Variants in DPP6 observed in about 807,000 individuals in gnomAD.
DPP6 encodes the protein dipeptidyl peptidase like 6, also known as A-type potassium channel modulatory protein DPP6.
A neutral mutation model predicts 122.6 loss-of-function variants in DPP6; 69 were observed. The observed-to-expected ratio is 0.56, with a 90% CI of 0.46 to 0.69. The LOEUF (loss-of-function observed/expected upper bound fraction) is 0.69. Among genes scored for constraint, DPP6 ranks in the 30% least tolerant of loss-of-function variants. The probability of loss-of-function intolerance (pLI) is 0.00; values close to 1 mark genes in which losing one functional copy is unlikely to be tolerated. For synonymous variants in DPP6, 418 were observed against 433.1 expected, an observed-to-expected ratio of 0.97 and a Z score of 0.43; for missense variants, 928 against 1,116.9, an observed-to-expected ratio of 0.83 and a Z score of 2.41.
intron 1 of DPP6, among the ~76,000 whole-genome samples, chr7:154,196,075 G>A (rs7811481): frequency 0.36 from 55,464 of 152,102 alleles, 12,462 homozygotes; most frequent in African/African-American, 0.64. Context: ...TCGCTCCATC[G>A]GATAGAATAA....
intron 1 of DPP6, among the ~76,000 whole-genome samples, chr7:154,442,065 G>A (rs961345128): frequency 1.3e-5 from 2 of 152,122 alleles, no homozygotes; most frequent in African/African-American, 4.8e-5. Flanking sequence ...CCTCATTCAC[G>A]CAACTGGGCT....
chr7:154,782,968 G>A (rs1320001400), intron 10 of DPP6, among the ~76,000 whole-genome samples: 2 of 151,996 alleles, frequency 1.3e-5, no homozygotes, highest in African/African-American at 4.8e-5. Flanking sequence ...ATATTTAGTA[G>A]AGACGGGGTT....
intron 1 of DPP6, among the ~76,000 whole-genome samples, chr7:154,207,717 A>G (rs775971322): frequency 3.3e-5 from 5 of 152,270 alleles, no homozygotes; most frequent in Non-Finnish European, 7.3e-5. Context: ...AGATCTTCCA[A>G]TACATACTAT....
At chr7:153,812,443 G>A in the DPP6 span, among the ~76,000 whole-genome samples, 1 of 151,876 alleles carries the variant, frequency 6.6e-6, no homozygotes, top group Non-Finnish European at 1.5e-5. Flanking sequence ...ATTCTGTCTG[G>A]TATCTGAAGA....
chr7:154,889,304 G>C lies in DPP6; in HGVS notation c.2337G>C (p.Leu779=). The change falls in exon 24 of 26, where the codon CTG becomes CTC. Residue 779 remains leucine (L), a synonymous_variant. Coordinates refer to ENST00000377770, the MANE Select transcript of DPP6 (RefSeq NM_130797.4). The part of the protein sequence containing the change: ...MTKVAHRVSA[L]EEQQFLIIHP... Reference sequence around the variant, plus strand: ...AGGTAGCCCATCGAGTCTCCGCGCTGGAAGAACAGCAGTTCCTGATCATTC... The same window carrying C: ...AGGTAGCCCATCGAGTCTCCGCGCTCGAAGAACAGCAGTTCCTGATCATTC... The C allele has an allele frequency of 1.2e-6, 2 of 1,613,018 alleles. No homozygotes were observed. Among genetic ancestry groups the C allele is most frequent in the Middle Eastern group, 1.6e-4 (1 of 6,062 alleles).
intron 8 of DPP6, among the ~76,000 whole-genome samples, chr7:154,751,123 GAAACC>G (rs1563169381): frequency 6.6e-6 from 1 of 152,192 alleles, no homozygotes; most frequent in African/African-American, 2.4e-5. Flanking sequence ...GTGCTGGGAG[GAAACC>G]TGTTTACTAG....
intron 4 of DPP6, among the ~76,000 whole-genome samples, chr7:154,545,392 A>G (rs950707789): frequency 1.3e-5 from 2 of 151,882 alleles, no homozygotes; most frequent in African/African-American, 4.8e-5. Flanking sequence ...ATGAATTTTT[A>G]TCTTCTGAGT....
At chr7:154,189,078 G>A (rs368030111) in intron 1 of DPP6, among the ~76,000 whole-genome samples, 4 of 152,284 alleles carry the variant, frequency 2.6e-5, no homozygotes, top group African/African-American at 4.8e-5. Context: ...TCCTTCTTGC[G>A]TTCTGTGGGT....
chr7:154,882,686 C>G (rs4960634), intron 21 of DPP6, among the ~76,000 whole-genome samples: 45 of 151,404 alleles, frequency 3.0e-4, no homozygotes, highest in African/African-American at 1.1e-3. Flanking sequence ...AAAATCCCCC[C>G]TGCAGAAGAT....
intron 4 of DPP6, among the ~76,000 whole-genome samples, chr7:154,562,474 A>T (rs1830483304): frequency 6.6e-6 from 1 of 152,164 alleles, no homozygotes. Flanking sequence ...ATCTATTAAA[A>T]ATACCATAAA....
intron 5 of DPP6, among the ~76,000 whole-genome samples, chr7:154,602,297 GTTCAT>G (rs1344410999): frequency 1.7e-5 from 2 of 119,804 alleles, no homozygotes; most frequent in African/African-American, 5.3e-5. Context: ...ATATTTTGTT[GTTCAT>G]TTCATTTCTA....
rs1198691376 is a variant in DPP6 at position 154,036,041 on chromosome 7, T to C, written c.51+148307T>C. On this transcript the variant is annotated intron_variant, in intron 1 of 25. Transcript: ENST00000404039. ...GCGCTTGTGTGTGTGTGTGTGTGTG[T>C]GTGTGTATGTGAAAATAAACAATAT... Among the ~76,000 whole-genome samples the C allele has an allele frequency of 1.3e-5, 2 of 151,938 alleles. 1 individual carries two copies. Among genetic ancestry groups the C allele is most frequent in the African/African-American group, 4.9e-5 (2 of 41,202 alleles).
chr7:154,528,620 A>G (rs767114158), intron 3 of DPP6, among the ~76,000 whole-genome samples: 1 of 152,234 alleles, frequency 6.6e-6, no homozygotes, highest in Non-Finnish European at 1.5e-5. Context: ...ATAGAAAATC[A>G]GGAAGCTGTG....
chr7:154,166,841 G>A (rs1372810326), intron 1 of DPP6, among the ~76,000 whole-genome samples: 2 of 148,776 alleles, frequency 1.3e-5, no homozygotes, highest in African/African-American at 5.2e-5. Flanking sequence ...AACCCAGGAG[G>A]CGGAGGTTGC....
At chr7:154,419,334 C>A (rs1399533447) in intron 1 of DPP6, among the ~76,000 whole-genome samples, 2 of 152,276 alleles carry the variant, frequency 1.3e-5, no homozygotes, top group East Asian at 3.9e-4. Flanking sequence ...GATGGGTATG[C>A]TTTATTTACA....
rs75473869 is a variant in DPP6, at chr7:153,905,311, C to T, written c.51+17577C>T. ...GGATCCTAGTTTCTCTGGCCAGCCT[C>T]GGGAGAAAATGAGGGGCCAGAAACA... On this transcript the variant is annotated intron_variant, in intron 1 of 25. Transcript: ENST00000404039. Among the ~76,000 whole-genome samples, 395 of 152,044 alleles carry T rather than the reference C, an allele frequency of 2.6e-3. 2 individuals carry two copies. The Middle Eastern group carries it at 0.037, about 14-fold the overall frequency.
At chr7:153,941,877 C>T (rs1346268384) in intron 1 of DPP6, among the ~76,000 whole-genome samples, 1 of 152,124 alleles carries the variant, frequency 6.6e-6, no homozygotes, top group African/African-American at 2.4e-5. Context: ...CTGTTTGTCT[C>T]TCTCTCCTTT....
chr7:154,668,677 A>G (rs1025320233), intron 6 of DPP6, among the ~76,000 whole-genome samples: 1 of 152,158 alleles, frequency 6.6e-6, no homozygotes, highest in Admixed American at 6.5e-5. Flanking sequence ...TAGCTACAAA[A>G]TATACTGAAA....
rs10240303 is a variant in DPP6, at chr7:154,728,182, C to T, written c.883+295C>T. Among the ~76,000 whole-genome samples the T allele has an allele frequency of 0.024, 3,639 of 152,176 alleles. 163 individuals carry two copies. The highest frequency in any genetic ancestry group is 0.083 in the African/African-American group (3,445 of 41,520). ...ATTCATCCCTGAAGGGCAGGAGGCT[C>T]GTTAATGGGAGATTTATTATGTCAG... On this transcript the variant is annotated intron_variant, in intron 8 of 25. Transcript: ENST00000377770.
Sources: gnomAD v4.1 joint callset for allele counts (sites outside exome capture counted in the v4.1 genomes callset) on GRCh38, gnomAD v4.1.1 for gene constraint, MANE v1.5 for transcripts, NCBI Gene and HGNC (gene_info 2026-07-23, HGNC 2026-07-21) for gene names.